The following DMBT1 variants were observed in gnomAD, a reference collection of about 807,000 sequenced individuals.
DMBT1 encodes the protein deleted in malignant brain tumors 1, also known as scavenger receptor cysteine-rich domain-containing protein DMBT1.
Under a neutral mutation model 252.9 loss-of-function variants are expected in DMBT1, and 198 were observed. That is an observed-to-expected ratio of 0.78 (90% CI 0.70 to 0.88). The LOEUF is 0.88. Among genes scored for constraint, DMBT1 ranks in the 40% least tolerant of loss-of-function variants. The probability of loss-of-function intolerance (pLI) is 0.00; values close to 1 mark genes in which losing one functional copy is unlikely to be tolerated. For synonymous variants in DMBT1, 990 were observed against 942.7 expected (o/e 1.05, Z -0.92); for missense variants, 2,432 against 2,404.7 (o/e 1.01, Z -0.24).
At chr10:122,634,385 TTTCTTTCTTTCTTTC>T (rs1313972790) in intron 52 of DMBT1, among the ~76,000 whole-genome samples, 1 of 138,854 alleles carries the variant, frequency 7.2e-6, no homozygotes, top group Non-Finnish European at 1.6e-5. Flanking sequence ...TCTTTCTTTC[TTTCTTTCTTTCTTTC>T]TTTTCTTTCT....
At chr10:122,627,494 G>T (rs1256199058) in intron 46 of DMBT1, among the ~76,000 whole-genome samples, 1 of 152,068 alleles carries the variant, frequency 6.6e-6, no homozygotes, top group Non-Finnish European at 1.5e-5. Context: ...ATAGAAGAAG[G>T]TTTAATGACT....
intron 27 of DMBT1, among the ~76,000 whole-genome samples, chr10:122,600,618 C>G (rs2097941604): frequency 6.6e-6 from 1 of 152,174 alleles, no homozygotes; most frequent in Non-Finnish European, 1.5e-5. Flanking sequence ...AAACCTGATT[C>G]CTGATTGTCC....
At chr10:122,599,166 A>C in intron 26 of DMBT1, 69 bp downstream of exon 26, 1 of 1,609,536 alleles carries the variant, frequency 6.2e-7, no homozygotes, top group Non-Finnish European at 8.5e-7. Context: ...TCCTAATTAC[A>C]TTCTGATCTC....
intron 11 of DMBT1, among the ~76,000 whole-genome samples, chr10:122,581,454 A>C (rs1372002460): frequency 6.7e-6 from 1 of 149,372 alleles, no homozygotes; most frequent in East Asian, 2.0e-4. Flanking sequence ...GGTTCCCCTA[A>C]CATTTTACCT....
At chr10:122,635,660 C>G (rs984166472) in intron 52 of DMBT1, among the ~76,000 whole-genome samples, 2 of 152,142 alleles carry the variant, frequency 1.3e-5, no homozygotes, top group Non-Finnish European at 1.5e-5. Context: ...AAGTGATTTT[C>G]CTGCCTCAGC....
At chr10:122,621,689 G>T (rs940084364) in intron 44 of DMBT1, among the ~76,000 whole-genome samples, 1 of 152,180 alleles carries the variant, frequency 6.6e-6, no homozygotes, top group Non-Finnish European at 1.5e-5. Flanking sequence ...AGTAGCACTG[G>T]GTGAGGGTAT....
intron 44 of DMBT1, among the ~76,000 whole-genome samples, chr10:122,621,640 A>G (rs1462312911): frequency 6.6e-6 from 1 of 152,148 alleles, no homozygotes; most frequent in East Asian, 1.9e-4. Flanking sequence ...GCAGAAGAAA[A>G]AATTTCTGGC....
intron 1 of DMBT1, among the ~76,000 whole-genome samples, chr10:122,564,428 A>G (rs536066735): frequency 3.9e-5 from 6 of 152,288 alleles, no homozygotes; most frequent in Non-Finnish European, 7.3e-5. Flanking sequence ...ATAGAGCAAG[A>G]CTCTATCTCT....
chr10:122,599,652 C>T (rs769997690), intron 26 of DMBT1, among the ~76,000 whole-genome samples: 3 of 152,172 alleles, frequency 2.0e-5, no homozygotes, highest in Admixed American at 2.0e-4. Context: ...TGCCTGTGCC[C>T]CAGGTCTGGT....
At chr10:122,632,630 G>T (rs990426238) in intron 50 of DMBT1, among the ~76,000 whole-genome samples, 3 of 152,096 alleles carry the variant, frequency 2.0e-5, no homozygotes, top group Non-Finnish European at 4.4e-5. Flanking sequence ...CAGACTTCCA[G>T]GCTCCTCTCC....
At position 122,618,288 on chromosome 10, in the gene DMBT1, C is replaced by G; in HGVS notation, c.5163C>G (p.Gly1721=). 1.2e-6 allele frequency: 2 copies of G among 1,613,864 alleles called. No individual in the cohort carries two copies. The highest frequency in any genetic ancestry group is 4.5e-5 in the East Asian group (2 of 44,872). The change falls in exon 41 of 56, where the codon GGC becomes GGG. Residue 1721 remains glycine, a synonymous_variant. Transcript: ENST00000338354. ...ESYLWSCPHN[G]WLSHNCGHHE... ...ACCTGTGGAGCTGCCCCCACAATGG[C>G]TGGCTCTCCCACAACTGTGGCCATC... is the stretch of plus-strand genomic sequence containing the variant.
In DMBT1 at chr10:122,586,421, A is replaced by T. The variant is rs377196898; in HGVS notation, c.1783+38A>T. 18 of 1,584,508 alleles carry T rather than the reference A, an allele frequency of 1.1e-5. 2 individuals are homozygous for T. The highest frequency in any genetic ancestry group is 1.5e-5 in the Non-Finnish European group (18 of 1,164,192). On this transcript the variant is annotated intron_variant, in intron 16 of 55. Transcript: ENST00000338354. Reference sequence around the variant, plus strand: ...GACTTTTGGTTTCCTCTCTTGGGGTAGATTTTGCTCAGGAAGGTTTTATTA... The same window carrying T: ...GACTTTTGGTTTCCTCTCTTGGGGTTGATTTTGCTCAGGAAGGTTTTATTA...
At chr10:122,584,421 C>T (rs1313992072) in intron 14 of DMBT1, 70 bp downstream of exon 14, 1 of 322,030 alleles carries the variant, frequency 3.1e-6, no homozygotes, top group Non-Finnish European at 5.7e-6. Context: ...CTGCACTCCA[C>T]AGAGCCCTCG....
chr10:122,631,917 G>C, intron 50 of DMBT1, 42 bp downstream of exon 50: 2 of 1,606,410 alleles, frequency 1.2e-6, no homozygotes, highest in Middle Eastern at 1.7e-4. Flanking sequence ...TGGTCTCCAG[G>C]TCTCTCCATT....
intron 9 of DMBT1, among the ~76,000 whole-genome samples, 199 bp downstream of exon 9, chr10:122,578,958 T>G (rs778493605): frequency 2.6e-5 from 4 of 152,154 alleles, no homozygotes; most frequent in Non-Finnish European, 4.4e-5. Context: ...AGAAGATCAT[T>G]AGGAATCATT....
rs776966396 is a variant in DMBT1, at chr10:122,600,035, G to C, written c.3281-29G>C. 6.2e-6 allele frequency: 10 copies of C among 1,607,920 alleles called. No individual in the cohort carries two copies. In the East Asian group the frequency reaches 1.6e-4, roughly 25 times the overall value. On this transcript the variant is annotated intron_variant, in intron 26 of 55. Transcript: ENST00000338354. ...TTGCCGACTTCTGTGTAATGTTCCT[G>C]ATCTGACCTTCTCTTCTCTTTCTCA... is the stretch of plus-strand genomic sequence containing the variant.
intron 1 of DMBT1, among the ~76,000 whole-genome samples, chr10:122,562,379 AC>A (rs2097555691): frequency 6.6e-6 from 1 of 152,002 alleles, no homozygotes; most frequent in South Asian, 2.1e-4. Flanking sequence ...GCACCCCCAA[AC>A]CCAGCCCTCC....
At chr10:122,621,761 G>T (rs1049721303) in intron 44 of DMBT1, among the ~76,000 whole-genome samples, 6 of 152,224 alleles carry the variant, frequency 3.9e-5, no homozygotes, top group African/African-American at 1.4e-4. Flanking sequence ...GAGGCTCATG[G>T]TAAGGAAAGG....
At chr10:122,617,525 C>T (rs2098004478) in intron 40 of DMBT1, among the ~76,000 whole-genome samples, 1 of 151,546 alleles carries the variant, frequency 6.6e-6, no homozygotes, top group Non-Finnish European at 1.5e-5. Flanking sequence ...CTGGAAGGCT[C>T]CCTAATCCTG....
Sources: allele counts gnomAD v4.1 joint callset (sites outside exome capture counted in the v4.1 genomes callset), GRCh38; gene constraint gnomAD v4.1.1; transcripts MANE v1.5; gene names NCBI Gene and HGNC (gene_info 2026-07-23, HGNC 2026-07-21).